Variants in CLVS2 observed in about 807,000 individuals in gnomAD.
CLVS2 encodes the protein clavesin-2.
Under a neutral mutation model 29.0 loss-of-function variants are expected in CLVS2, and 19 were observed. The observed-to-expected ratio is 0.66, with a 90% confidence interval of 0.46 to 0.96. CLVS2 has a LOEUF of 0.96. CLVS2 is among the 40% of genes least tolerant of loss of function. The probability of loss-of-function intolerance (pLI) is 0.00; values close to 1 mark genes in which losing one functional copy is unlikely to be tolerated. For synonymous variants in CLVS2, 161 were observed against 151.3 expected (o/e 1.06, Z -0.47); for missense variants, 294 against 404.1 (o/e 0.73, Z 2.34).
chr6:123,070,167 TTTAA>T lies in CLVS2; in HGVS notation c.*6409_*6412del, dbSNP rs1319072149. The T allele has an allele frequency of 6.6e-6, 1 of 151,956 alleles. No homozygotes were observed. The highest frequency in any genetic ancestry group is 1.5e-5 in the Non-Finnish European group (1 of 67,914). The allele number at this position is 151,956 out of a possible 1,614,324, so 9.4% of individuals were successfully genotyped here. ...ACTCCTCATTCATATAGCTAACAAT[TTTAA>T]TTGGATGGCTAATGGATATGGCGGA... is the stretch of plus-strand genomic sequence containing the variant. On this transcript the variant is annotated 3_prime_UTR_variant, in exon 6 of 6. Transcript: ENST00000275162.
At chr6:122,998,226 C>G (rs548754157) in intron 2 of CLVS2, 60 bp downstream of exon 2, 1 of 1,517,992 alleles carries the variant, frequency 6.6e-7, no homozygotes, top group South Asian at 1.2e-5. Flanking sequence ...AGAATTTACC[C>G]CGAGTAGTGT....
Position 123,035,348 on chromosome 6 carries a change from A to G in CLVS2, c.565-13274A>G, listed in dbSNP as rs552619718. 4.6e-5 allele frequency among the ~76,000 whole-genome samples: 7 copies of G among 152,198 alleles called. No homozygotes were observed. The South Asian group carries it at 1.5e-3, about 32-fold the overall frequency. On this transcript the variant is annotated intron_variant, in intron 3 of 5. Transcript: ENST00000275162. ...TACATACCCATACAAACATGAACAC[A>G]TATAAGACATGTTCAAGGAATGGGA...
intron 3 of CLVS2, among the ~76,000 whole-genome samples, chr6:123,038,352 C>G (rs575376287): frequency 6.6e-6 from 1 of 152,198 alleles, no homozygotes; most frequent in Non-Finnish European, 1.5e-5. Context: ...ACTTCATTCA[C>G]ATTCGCCTTA....
intron 4 of CLVS2, among the ~76,000 whole-genome samples, chr6:123,053,958 G>C (rs1772651995): frequency 6.6e-6 from 1 of 152,166 alleles, no homozygotes; most frequent in Non-Finnish European, 1.5e-5. Flanking sequence ...AGACACAGAT[G>C]CTGGTGGGTG....
chr6:122,999,292 G>T (rs1460955243), intron 2 of CLVS2, among the ~76,000 whole-genome samples: 1 of 152,146 alleles, frequency 6.6e-6, no homozygotes, highest in Non-Finnish European at 1.5e-5. Context: ...AGGCTTCCGA[G>T]TCTTGGTATC....
At position 123,006,110 on chromosome 6, in the gene CLVS2, C is replaced by T. The variant is rs546200336; in HGVS notation, c.390-4875C>T. 9.6e-4 allele frequency among the ~76,000 whole-genome samples: 146 copies of T among 152,218 alleles called. 1 individual carries two copies. The highest frequency in any genetic ancestry group is 3.3e-3 in the African/African-American group (138 of 41,538). On this transcript the variant is annotated intron_variant, in intron 2 of 5. Transcript: ENST00000275162. ...TAATTTCAGAATATGAGAGAGAGGG[C>T]GCTGAGGTCTCCAGCAGGTCAAGAC...
At position 122,996,491 on chromosome 6, in the gene CLVS2, A is replaced by C. The variant is rs1018366893; in HGVS notation, c.-815A>C. 1 of 152,820 alleles carries C rather than the reference A, an allele frequency of 6.5e-6. No homozygotes were observed. Among genetic ancestry groups the C allele is most frequent in the African/African-American group, 2.4e-5 (1 of 41,460 alleles). 9.5% of individuals were successfully genotyped at this position (152,820 alleles called of 1,614,324 possible). A position where few individuals can be genotyped will look rare whatever the true frequency, so the allele number is the denominator to read the frequency against. The stretch of plus-strand genomic sequence containing the variant: ...TGGCAGGGCCAGGCGAGAACCTGGG[A>C]CAGCGGTGGCCCTAGCCCTGCGATC... On this transcript the variant is annotated 5_prime_UTR_variant, in exon 1 of 6. Coordinates refer to ENST00000275162, the MANE Select transcript of CLVS2 (RefSeq NM_001010852.4).
intron 3 of CLVS2, among the ~76,000 whole-genome samples, chr6:123,012,224 G>A (rs547885414): frequency 6.6e-6 from 1 of 152,030 alleles, no homozygotes; most frequent in South Asian, 2.1e-4. Context: ...AGTTAATACA[G>A]GATGGTAGAC....
At chr6:123,031,963 A>G (rs1396962324) in intron 3 of CLVS2, among the ~76,000 whole-genome samples, 2 of 152,128 alleles carry the variant, frequency 1.3e-5, no homozygotes, top group Non-Finnish European at 2.9e-5. Flanking sequence ...TTTAGTGCCA[A>G]TATCTTATAG....
At chr6:123,039,758 C>T (rs1377128365) in intron 3 of CLVS2, among the ~76,000 whole-genome samples, 1 of 152,146 alleles carries the variant, frequency 6.6e-6, no homozygotes, top group Non-Finnish European at 1.5e-5. Flanking sequence ...TCTTCTTGCC[C>T]ATTCAGTTAT....
chr6:123,057,408 G>A (rs543710391), intron 5 of CLVS2, among the ~76,000 whole-genome samples: 36 of 133,158 alleles, frequency 2.7e-4, no homozygotes, highest in Admixed American at 1.3e-3. Context: ...GTGCAATGGC[G>A]CGATCATGAT....
At chr6:123,016,794 G>T (rs1774841147) in intron 3 of CLVS2, among the ~76,000 whole-genome samples, 3 of 152,016 alleles carry the variant, frequency 2.0e-5, no homozygotes, top group African/African-American at 7.2e-5. Context: ...CCTTTCATTT[G>T]ACTCAAGGGC....
At chr6:123,021,048 G>A (rs1774912314) in intron 3 of CLVS2, among the ~76,000 whole-genome samples, 1 of 121,692 alleles carries the variant, frequency 8.2e-6, no homozygotes, top group Admixed American at 7.5e-5. Context: ...ATCTGAAAGA[G>A]TATGGGGGGG....
chr6:123,023,193 T>C (rs902802263), intron 3 of CLVS2, among the ~76,000 whole-genome samples: 1 of 152,076 alleles, frequency 6.6e-6, no homozygotes, highest in African/African-American at 2.4e-5. Flanking sequence ...TGGAACTCAG[T>C]TGCTGTGGTG....
chr6:123,059,701 T>C (rs1341986980), intron 5 of CLVS2, among the ~76,000 whole-genome samples: 1 of 152,180 alleles, frequency 6.6e-6, no homozygotes, highest in African/African-American at 2.4e-5. Context: ...AACTGGAAAG[T>C]CTCTTTACTT....
intron 5 of CLVS2, among the ~76,000 whole-genome samples, chr6:123,060,655 G>A (rs1322343867): frequency 6.6e-6 from 1 of 152,186 alleles, no homozygotes; most frequent in African/African-American, 2.4e-5. Flanking sequence ...ATAGGCAATA[G>A]TATTCCATGA....
chr6:123,043,201 A>G (rs1031536542), intron 3 of CLVS2, among the ~76,000 whole-genome samples: 11 of 152,202 alleles, frequency 7.2e-5, no homozygotes, highest in Admixed American at 3.3e-4. Context: ...AACTTGGAAA[A>G]AAACTTGAGC....
chr6:123,050,724 G>T (rs946555242), intron 4 of CLVS2, among the ~76,000 whole-genome samples: 1 of 152,280 alleles, frequency 6.6e-6, no homozygotes, highest in East Asian at 1.9e-4. Context: ...ATATACCATT[G>T]CTGGAATCTG....
rs1258347021 is a variant in CLVS2, at chr6:123,020,247, AT to A, written c.564+9090del. ...GATTTCTGTATTTCTCAGAGTTTGC[AT>A]TATACTTACCAGTAGAGTATCCCAG... On this transcript the variant is annotated intron_variant, in intron 3 of 5. Transcript: ENST00000275162. Among the ~76,000 whole-genome samples, 29 of 152,212 alleles carry A rather than the reference AT, an allele frequency of 1.9e-4. No homozygotes were observed. The East Asian group carries it at 5.6e-3, about 30-fold the overall frequency.
Sources: allele counts gnomAD v4.1 joint callset (sites outside exome capture counted in the v4.1 genomes callset), GRCh38; gene constraint gnomAD v4.1.1; transcripts MANE v1.5; gene names NCBI Gene and HGNC (gene_info 2026-07-23, HGNC 2026-07-21).